Variants in JAZF1 observed in about 807,000 individuals in gnomAD.
JAZF1 encodes the protein juxtaposed with another zinc finger protein 1.
In JAZF1, 8 loss-of-function variants were observed where a neutral mutation model predicts 26.4. The ratio of observed to expected loss-of-function variants is 0.30; its 90% CI spans 0.18 to 0.55. The LOEUF is 0.55. Among genes scored for constraint, JAZF1 ranks in the 20% least tolerant of loss-of-function variants. JAZF1 has a pLI of 0.94. For synonymous variants in JAZF1, 126 were observed against 122.3 expected (o/e 1.03, Z -0.20); for missense variants, 199 against 322.0 (o/e 0.62, Z 2.92).
intron 2 of JAZF1, among the ~76,000 whole-genome samples, chr7:27,979,809 G>C (rs1785546041): frequency 6.6e-6 from 1 of 151,940 alleles, no homozygotes; most frequent in South Asian, 2.1e-4. Context: ...CTTTCCTATC[G>C]ATTGGAGATG....
chr7:27,884,623 T>C (rs1411409179), intron 3 of JAZF1, among the ~76,000 whole-genome samples: 3 of 152,230 alleles, frequency 2.0e-5, no homozygotes, highest in African/African-American at 7.2e-5. Context: ...GTACCCTTTG[T>C]GTCAGGCTTA....
intron 2 of JAZF1, among the ~76,000 whole-genome samples, chr7:27,938,637 T>C (rs188538155): frequency 5.3e-4 from 80 of 152,254 alleles, no homozygotes; most frequent in African/African-American, 1.6e-3. Context: ...AGCTATTCAG[T>C]AAGTAGCAGC....
rs2128382910 is a variant in JAZF1 at position 28,062,283 on chromosome 7, A to G, written c.116-70302T>C. 1.3e-5 allele frequency among the ~76,000 whole-genome samples: 2 copies of G among 152,204 alleles called. 1 individual carries two copies. Among genetic ancestry groups the G allele is most frequent in the South Asian group, 4.2e-4 (2 of 4,810 alleles). On this transcript the variant is annotated intron_variant, in intron 1 of 4. Coordinates refer to ENST00000283928, the MANE Select transcript of JAZF1 (RefSeq NM_175061.4). ...AGATTGAGTGAGCTCAATATTAGTT[A>G]GTTAGAGTGACCTCAGTGTTAGGCC...
At chr7:27,886,893 G>A (rs1165614525) in intron 3 of JAZF1, among the ~76,000 whole-genome samples, 3 of 152,304 alleles carry the variant, frequency 2.0e-5, no homozygotes, top group Non-Finnish European at 2.9e-5. Flanking sequence ...AATGTGGTAC[G>A]TATACACCAT....
At chr7:27,958,245 G>T (rs1043754582) in intron 2 of JAZF1, among the ~76,000 whole-genome samples, 16 of 152,138 alleles carry the variant, frequency 1.1e-4, no homozygotes, top group Admixed American at 6.5e-5. Flanking sequence ...GATGCTCAGG[G>T]TGGCTCTACA....
At chr7:28,163,598 T>C (rs1247925527) in intron 1 of JAZF1, among the ~76,000 whole-genome samples, 5 of 152,176 alleles carry the variant, frequency 3.3e-5, no homozygotes, top group Admixed American at 2.6e-4. Context: ...AAAGGGGTCA[T>C]CCCTAACCAA....
At chr7:28,015,364 T>C (rs1782873267) in intron 1 of JAZF1, among the ~76,000 whole-genome samples, 1 of 152,154 alleles carries the variant, frequency 6.6e-6, no homozygotes, top group South Asian at 2.1e-4. Flanking sequence ...GAATAAAGAA[T>C]AGCTGACAAT....
In JAZF1 at chr7:28,180,493, G is replaced by C; in HGVS notation, c.85C>G (p.Leu29Val). Residue 29 changes from leucine to valine, a missense_variant, in exon 1 of 5, where the codon CTC becomes GTC. By Grantham distance (32) the Leu-to-Val change is conservative. This residue lies in a region of JAZF1 where 137 missense variants were observed against 184.8 expected (regional missense o/e 0.74). Coordinates refer to ENST00000283928, the MANE Select transcript of JAZF1 (RefSeq NM_175061.4). ...TGGTTGTCCTCGATGTGCTCGATGA[G>C]GTCGGCCAGGGTGGGGAAGTGGAGT... ...CGLHFPTLAD[L>V]IEHIEDNHID... is the part of the protein sequence containing the mutation. 1 of 1,611,094 alleles carries C rather than the reference G, an allele frequency of 6.2e-7. No individual in the cohort carries two copies. Among genetic ancestry groups the C allele is most frequent in the East Asian group, 2.2e-5 (1 of 44,672 alleles).
At position 27,832,658 on chromosome 7, in the gene JAZF1, C is replaced by A; in HGVS notation, c.*142G>T. 1 of 629,502 alleles carries A rather than the reference C, an allele frequency of 1.6e-6. No individual in the cohort carries two copies. Among genetic ancestry groups the A allele is most frequent in the South Asian group, 3.0e-5 (1 of 33,126 alleles). 39.0% of individuals were successfully genotyped at this position (629,502 alleles called of 1,614,324 possible). ...TTAACTCTACAAAGATACATCATTC[C>A]AAAATTACAGAAAAAATTTAAAGCA... is the stretch of plus-strand genomic sequence containing the variant. On this transcript the variant is annotated 3_prime_UTR_variant, in exon 5 of 5. Coordinates refer to ENST00000283928, the MANE Select transcript of JAZF1 (RefSeq NM_175061.4).
intron 2 of JAZF1, among the ~76,000 whole-genome samples, chr7:27,963,848 T>G (rs1169251541): frequency 6.6e-6 from 1 of 152,204 alleles, no homozygotes; most frequent in African/African-American, 2.4e-5. Flanking sequence ...GATTAAGGCA[T>G]GAGCCAACAT....
At chr7:27,976,071 G>A (rs570899410) in intron 2 of JAZF1, among the ~76,000 whole-genome samples, 6 of 152,192 alleles carry the variant, frequency 3.9e-5, no homozygotes, top group South Asian at 2.1e-4. Flanking sequence ...TGGGCTAGTC[G>A]CGATGGCTCA....
At chr7:27,962,188 A>G (rs1368860439) in intron 2 of JAZF1, among the ~76,000 whole-genome samples, 1 of 152,218 alleles carries the variant, frequency 6.6e-6, no homozygotes, top group African/African-American at 2.4e-5. Flanking sequence ...AATATTTACC[A>G]AAAACAAGAC....
intron 1 of JAZF1, among the ~76,000 whole-genome samples, chr7:28,018,596 A>G (rs953903488): frequency 6.6e-6 from 1 of 152,138 alleles, no homozygotes; most frequent in Non-Finnish European, 1.5e-5. Context: ...CAGTCATCCT[A>G]TCCAGAACCC....
chr7:28,138,776 A>C (rs923722503), intron 1 of JAZF1, among the ~76,000 whole-genome samples: 1 of 152,214 alleles, frequency 6.6e-6, no homozygotes, highest in African/African-American at 2.4e-5. Flanking sequence ...GGAGCACTAA[A>C]TTAGGAGTCC....
intron 4 of JAZF1, among the ~76,000 whole-genome samples, chr7:27,835,020 G>C (rs751022433): frequency 3.7e-4 from 56 of 152,158 alleles, no homozygotes; most frequent in Non-Finnish European, 7.5e-4. Flanking sequence ...CCCATGTATA[G>C]CTCAACGAAT....
In JAZF1 at chr7:28,180,715, G is replaced by C. The variant is rs1054101294; in HGVS notation, c.-138C>G. 1 of 581,480 alleles carries C rather than the reference G, an allele frequency of 1.7e-6. No individual in the cohort carries two copies. Among genetic ancestry groups the C allele is most frequent in the Non-Finnish European group, 3.1e-6 (1 of 323,836 alleles). The allele number at this position is 581,480 out of a possible 1,614,324, so 36.0% of individuals were successfully genotyped here. A position where few individuals can be genotyped will look rare whatever the true frequency, so the allele number is the denominator to read the frequency against. On this transcript the variant is annotated 5_prime_UTR_variant, in exon 1 of 5. Transcript: ENST00000283928. Reference sequence around the variant, plus strand: ...GCGGGGTGAGGGGAGCGGCGAGGACGGGACGGAGGGAGAGGGGGCGAGAGA... The same window carrying C: ...GCGGGGTGAGGGGAGCGGCGAGGACCGGACGGAGGGAGAGGGGGCGAGAGA...
At chr7:27,990,839 CAT>C (rs1785885230) in intron 2 of JAZF1, among the ~76,000 whole-genome samples, 3 of 152,272 alleles carry the variant, frequency 2.0e-5, no homozygotes, top group Admixed American at 2.0e-4. Flanking sequence ...CTATTTAACA[CAT>C]GTCAAATATT....
At chr7:28,105,568 G>A (rs1031574276) in intron 1 of JAZF1, among the ~76,000 whole-genome samples, 5 of 152,106 alleles carry the variant, frequency 3.3e-5, no homozygotes, top group Admixed American at 6.5e-5. Context: ...GATTTCCTTC[G>A]TCACACCCTA....
intron 3 of JAZF1, among the ~76,000 whole-genome samples, chr7:27,876,195 A>C (rs1214398603): frequency 1.3e-5 from 2 of 152,232 alleles, no homozygotes; most frequent in Non-Finnish European, 2.9e-5. Context: ...TAACCCTCTA[A>C]TGCCTCTGGC....
Sources: allele counts gnomAD v4.1 joint callset (sites outside exome capture counted in the v4.1 genomes callset), GRCh38; gene constraint gnomAD v4.1.1; regional missense constraint gnomAD v4.1.1; transcripts MANE v1.5; gene names NCBI Gene and HGNC (gene_info 2026-07-23, HGNC 2026-07-21).